The following GALNT18 variants were observed in gnomAD, a reference collection of about 807,000 sequenced individuals.
GALNT18 encodes polypeptide N-acetylgalactosaminyltransferase 18.
Under a neutral mutation model 69.5 loss-of-function variants are expected in GALNT18, and 44 were observed. That is an observed-to-expected ratio of 0.63 (90% CI 0.50 to 0.81). The LOEUF (loss-of-function observed/expected upper bound fraction) is 0.81. Among genes scored for constraint, GALNT18 ranks in the 40% least tolerant of loss-of-function variants. GALNT18 has a pLI of 0.00. For missense variants in GALNT18, 715 were observed against 810.0 expected (o/e 0.88, Z 1.42); for synonymous variants, 364 against 318.2 (o/e 1.14, Z -1.53).
Position 11,443,488 on chromosome 11 carries a change from T to G in GALNT18, c.428+5256A>C, listed in dbSNP as rs867336532. 3.1e-4 allele frequency among the ~76,000 whole-genome samples: 47 copies of G among 152,210 alleles called. 1 individual carries two copies. The highest frequency in any genetic ancestry group is 1.1e-3 in the African/African-American group (45 of 41,536). ...ACCCCAATTGAGACTTGATGTTTCCTTTTCCTCTTCTTGCCCCTCCTAGAT... is the reference window on the plus strand; with the variant it reads ...ACCCCAATTGAGACTTGATGTTTCCGTTTCCTCTTCTTGCCCCTCCTAGAT... On this transcript the variant is annotated intron_variant, in intron 2 of 10. Coordinates refer to ENST00000227756, the MANE Select transcript of GALNT18 (RefSeq NM_198516.3).
At chr11:11,351,227 T>C (rs1227224498) in intron 6 of GALNT18, among the ~76,000 whole-genome samples, 2 of 152,094 alleles carry the variant, frequency 1.3e-5, no homozygotes, top group East Asian at 3.9e-4. Flanking sequence ...GGCAGGACAT[T>C]TGGACTCCTG....
rs576637432 is a variant in GALNT18, at chr11:11,377,664, C to G, written c.780-285G>C. Reference sequence around the variant, plus strand: ...TTGTGCCTGCTCGCTTTCCCTTTCTCCATTAGAAAAAAAAAAAATCAAGAC... The same window carrying G: ...TTGTGCCTGCTCGCTTTCCCTTTCTGCATTAGAAAAAAAAAAAATCAAGAC... On this transcript the variant is annotated intron_variant, in intron 4 of 10. Coordinates refer to ENST00000227756, the MANE Select transcript of GALNT18 (RefSeq NM_198516.3). This position sits in a 1 kb window ranked among gnomAD's most constrained non-coding sequence, Gnocchi z 4.6. Among the ~76,000 whole-genome samples the G allele has an allele frequency of 1.3e-5, 1 of 74,970 alleles. No homozygotes were observed. The highest frequency in any genetic ancestry group is 1.1e-4 in the Admixed American group (1 of 9,076). The allele number at this position is 74,970 out of a possible 152,430, so 49.2% of individuals were successfully genotyped here.
Position 11,372,446 on chromosome 11 carries a change from C to T in GALNT18, c.1092+69G>A, listed in dbSNP as rs1850930740. 2.5e-6 allele frequency: 3 copies of T among 1,214,040 alleles called. No individual in the cohort carries two copies. Among genetic ancestry groups the T allele is most frequent in the South Asian group, 1.2e-5 (1 of 80,760 alleles). 75.2% of individuals were successfully genotyped at this position (1,214,040 alleles called of 1,614,324 possible). On this transcript the variant is annotated intron_variant, in intron 6 of 10. Transcript: ENST00000227756. The surrounding 1 kb of genome is among the most constrained non-coding windows in gnomAD (Gnocchi z 4.9). Reference sequence around the variant, plus strand: ...TGACCCTCAACCTTAAACCCCATTTCTCCACCCCCAGACTCATTCACCCTG... The same window carrying T: ...TGACCCTCAACCTTAAACCCCATTTTTCCACCCCCAGACTCATTCACCCTG...
intron 3 of GALNT18, among the ~76,000 whole-genome samples, chr11:11,408,184 G>A (rs751671733): frequency 1.1e-4 from 16 of 152,062 alleles, no homozygotes; most frequent in Non-Finnish European, 2.1e-4. Flanking sequence ...GGTCAACTCG[G>A]TGAAACTCCA....
At chr11:11,460,185 C>A (rs1324202534) in intron 1 of GALNT18, among the ~76,000 whole-genome samples, 1 of 152,172 alleles carries the variant, frequency 6.6e-6, no homozygotes, top group Non-Finnish European at 1.5e-5. Context: ...CCTTAGTTCC[C>A]TTTTGCCATG....
chr11:11,299,901 T>C (rs1448891838), intron 9 of GALNT18, among the ~76,000 whole-genome samples: 1 of 152,224 alleles, frequency 6.6e-6, no homozygotes, highest in Non-Finnish European at 1.5e-5. Context: ...AATTTATGTA[T>C]TTTTCAATCA....
chr11:11,431,222 T>C (rs1481919375), intron 3 of GALNT18, among the ~76,000 whole-genome samples: 1 of 152,212 alleles, frequency 6.6e-6, no homozygotes, highest in African/African-American at 2.4e-5. Flanking sequence ...CCTTGAATGC[T>C]GGTTCTTCCA....
At chr11:11,365,109 C>T (rs965707678) in intron 6 of GALNT18, among the ~76,000 whole-genome samples, 3 of 151,960 alleles carry the variant, frequency 2.0e-5, no homozygotes, top group Non-Finnish European at 4.4e-5. Flanking sequence ...TGGTGGTTTG[C>T]TGCACCTATG....
intron 6 of GALNT18, among the ~76,000 whole-genome samples, chr11:11,366,312 T>C (rs768540646): frequency 1.3e-5 from 2 of 152,228 alleles, no homozygotes; most frequent in Non-Finnish European, 2.9e-5. Context: ...AGCACGACTA[T>C]AATACATATA....
At chr11:11,490,596 C>T (rs1000873057) in intron 1 of GALNT18, among the ~76,000 whole-genome samples, 8 of 152,136 alleles carry the variant, frequency 5.3e-5, no homozygotes, top group South Asian at 4.1e-4. Flanking sequence ...TCAGCCCAGT[C>T]CAGGGGCCTA....
intron 9 of GALNT18, among the ~76,000 whole-genome samples, chr11:11,325,204 A>G (rs148617362): frequency 6.6e-6 from 1 of 152,260 alleles, no homozygotes; most frequent in African/African-American, 2.4e-5. Flanking sequence ...TGTCTTTTGC[A>G]GTAACTTGGA....
At chr11:11,403,915 C>G (rs1854525933) in intron 3 of GALNT18, among the ~76,000 whole-genome samples, 1 of 152,218 alleles carries the variant, frequency 6.6e-6, no homozygotes, top group South Asian at 2.1e-4. Flanking sequence ...AGAGGAAACC[C>G]AGCCCTGCTG....
intron 1 of GALNT18, among the ~76,000 whole-genome samples, chr11:11,520,055 G>C (rs912661326): frequency 6.6e-6 from 1 of 152,236 alleles, no homozygotes; most frequent in African/African-American, 2.4e-5. Flanking sequence ...CTGGGGAGCA[G>C]GAGCACAACC....
intron 10 of GALNT18, among the ~76,000 whole-genome samples, chr11:11,278,978 C>T (rs1849008682): frequency 6.6e-6 from 1 of 152,132 alleles, no homozygotes; most frequent in Non-Finnish European, 1.5e-5. Context: ...ATATATTCAA[C>T]TATTATGTAC....
rs1388394076 is a variant in GALNT18 at position 11,497,370 on chromosome 11, A to ACACACACACACC, written c.236-48435_236-48434insGGTGTGTGTGTG. Among the ~76,000 whole-genome samples the ACACACACACACC allele has an allele frequency of 1.6e-3, 219 of 134,684 alleles. 1 individual carries two copies. Among genetic ancestry groups the ACACACACACACC allele is most frequent in the Non-Finnish European group, 1.7e-3 (109 of 63,820 alleles). 88.4% of individuals were successfully genotyped at this position (134,684 alleles called of 152,430 possible). On this transcript the variant is annotated intron_variant, in intron 1 of 10. Coordinates refer to ENST00000227756, the MANE Select transcript of GALNT18 (RefSeq NM_198516.3). This position sits in a 1 kb window ranked among gnomAD's most constrained non-coding sequence, Gnocchi z 4.2. ...CACACACACACACACACACACACAC[A>ACACACACACACC]CCCCTTAGAATGGGGCTCCTTAAGA...
At chr11:11,566,978 G>A (rs1858670291) in intron 1 of GALNT18, among the ~76,000 whole-genome samples, 1 of 152,146 alleles carries the variant, frequency 6.6e-6, no homozygotes, top group Non-Finnish European at 1.5e-5. Flanking sequence ...CCTGGATCCT[G>A]CTTAGGCCTC....
intron 1 of GALNT18, among the ~76,000 whole-genome samples, chr11:11,517,602 C>T (rs1227343874): frequency 6.6e-6 from 1 of 152,164 alleles, no homozygotes; most frequent in Non-Finnish European, 1.5e-5. Context: ...TGGGGCTGTA[C>T]AGATCTGGCC....
At chr11:11,343,619 T>A (rs1850249831) in intron 6 of GALNT18, among the ~76,000 whole-genome samples, 1 of 152,192 alleles carries the variant, frequency 6.6e-6, no homozygotes. Context: ...TGATTTCCAA[T>A]TCACTTTGCT....
At position 11,605,474 on chromosome 11, in the gene GALNT18, G is replaced by A. The variant is rs10765873; in HGVS notation, c.235+15885C>T. ...CCGCCACCCTGAAGACACAGGTGGTGGAGTCCATTCTGAGGTTCTCACAGA... is the reference window on the plus strand; with the variant it reads ...CCGCCACCCTGAAGACACAGGTGGTAGAGTCCATTCTGAGGTTCTCACAGA... On this transcript the variant is annotated intron_variant, in intron 1 of 10. Coordinates refer to ENST00000227756, the MANE Select transcript of GALNT18 (RefSeq NM_198516.3). The surrounding 1 kb of genome is among the most constrained non-coding windows in gnomAD (Gnocchi z 4.7). 0.4 allele frequency among the ~76,000 whole-genome samples: 61,203 copies of A among 152,064 alleles called. 13,222 individuals are homozygous for A. The highest frequency in any genetic ancestry group is 0.55 in the East Asian group (2,858 of 5,158).
Sources: allele counts gnomAD v4.1 joint callset (sites outside exome capture counted in the v4.1 genomes callset), GRCh38; gene constraint gnomAD v4.1.1; non-coding constraint Gnocchi (gnomAD v3.1); transcripts MANE v1.5; gene names NCBI Gene and HGNC (gene_info 2026-07-23, HGNC 2026-07-21).